The following ARHGEF10 variants were observed in gnomAD, a reference collection of about 807,000 sequenced individuals.
The protein encoded by ARHGEF10 is Rho guanine nucleotide exchange factor 10.
ARHGEF10 carries 140 observed loss-of-function variants against 147.4 expected under a neutral mutation model. The ratio of observed to expected loss-of-function variants is 0.95; its 90% CI spans 0.83 to 1.09. The LOEUF is 1.09. Among genes scored for constraint, ARHGEF10 ranks in the 50% least tolerant of loss-of-function variants. The pLI, the probability that ARHGEF10 is intolerant of heterozygous loss-of-function variation, is 0.00. For synonymous variants in ARHGEF10, 902 were observed against 695.8 expected (o/e 1.30, Z -4.67); for missense variants, 2,222 against 1,752.7 (o/e 1.27, Z -4.78).
rs539916153 is a variant in ARHGEF10, at chr8:1,893,888, T to C, written c.1260+242T>C. On this transcript the variant is annotated intron_variant, in intron 12 of 28. Coordinates refer to ENST00000349830, the MANE Select transcript of ARHGEF10 (RefSeq NM_014629.4). ...TTCATTTATCTAAGCTTTAAAAATG[T>C]CTGGGCCAGGCTCGGTGGCTCACCC... Among the ~76,000 whole-genome samples, 53 of 152,268 alleles carry C rather than the reference T, an allele frequency of 3.5e-4. 1 individual carries two copies. The highest frequency in any genetic ancestry group is 1.2e-3 in the African/African-American group (50 of 41,542).
At chr8:1,870,921 G>A (rs7014212) in intron 7 of ARHGEF10, 1 of 151,626 alleles carries the variant, frequency 6.6e-6, no homozygotes, top group Non-Finnish European at 1.5e-5. Context: ...AAGACCAGCC[G>A]GGCCAACATG....
intron 11 of ARHGEF10, among the ~76,000 whole-genome samples, chr8:1,887,984 T>A (rs1460107599): frequency 7.0e-6 from 1 of 142,044 alleles, no homozygotes; most frequent in Non-Finnish European, 1.5e-5. Context: ...GGGGTGAGAG[T>A]TGTGAAGAGA....
chr8:1,929,257 ATTTATT>A (rs747821153), intron 24 of ARHGEF10, 23 bp from the exon 25 acceptor site: 1 of 1,611,390 alleles, frequency 6.2e-7, no homozygotes, highest in South Asian at 1.1e-5. Flanking sequence ...GAGCAAATAT[ATTTATT>A]AGCTTGTATT....
chr8:1,875,511 G>C (rs896927735), intron 7 of ARHGEF10, among the ~76,000 whole-genome samples: 2 of 152,178 alleles, frequency 1.3e-5, no homozygotes, highest in Non-Finnish European at 1.5e-5. Flanking sequence ...GAGTTGCTGA[G>C]ACTGCTGGGT....
intron 26 of ARHGEF10, among the ~76,000 whole-genome samples, chr8:1,934,241 G>A (rs922239278): frequency 6.6e-6 from 1 of 151,212 alleles, no homozygotes; most frequent in Non-Finnish European, 1.5e-5. Context: ...GTAGTCCCAA[G>A]TACTCGGGAG....
At chr8:1,943,759 T>C (rs1814298091) in intron 26 of ARHGEF10, 2 of 152,146 alleles carry the variant, frequency 1.3e-5, no homozygotes, top group Admixed American at 6.5e-5. Flanking sequence ...ATTCAACTTG[T>C]GATTATTGAA....
At chr8:1,906,510 A>G (rs1810904420) in intron 17 of ARHGEF10, among the ~76,000 whole-genome samples, 1 of 152,102 alleles carries the variant, frequency 6.6e-6, no homozygotes. Flanking sequence ...ACCACTAAAC[A>G]TGCCCTATTT....
chr8:1,929,445 T>C lies in ARHGEF10; in HGVS notation c.3079+2T>C, dbSNP rs751927693. 6.2e-7 allele frequency: 1 copy of C among 1,605,086 alleles called. No individual in the cohort carries two copies. The highest frequency in any genetic ancestry group is 8.5e-7 in the Non-Finnish European group (1 of 1,175,492). ...TCGCCAGCTACGCCAGAGCCCCAGG[T>C]GAGGCGGGTCTCACGGCCTCCTGGC... On this transcript the variant is annotated splice_donor_variant, in intron 25 of 28. Coordinates refer to ENST00000349830, the MANE Select transcript of ARHGEF10 (RefSeq NM_014629.4). LOFTEE classifies it high-confidence loss of function.
At chr8:1,838,402 G>T (rs527716059) in intron 1 of ARHGEF10, among the ~76,000 whole-genome samples, 1 of 151,616 alleles carries the variant, frequency 6.6e-6, no homozygotes, top group Non-Finnish European at 1.5e-5. Flanking sequence ...CCAGGCTGAC[G>T]AATGAAGGAG....
chr8:1,882,855 G>A (rs1401619793), intron 10 of ARHGEF10, 106 bp downstream of exon 10: 1 of 945,546 alleles, frequency 1.1e-6, no homozygotes, highest in Admixed American at 2.0e-5. Flanking sequence ...GGCTCCCACA[G>A]CCTTAGGGAG....
At position 1,832,783 on chromosome 8, in the gene ARHGEF10, CAGAG is replaced by C. The variant is rs1209850066; in HGVS notation, c.-48+8676_-48+8679del. ...ACAGAGGCAGAGACAGAGGCAGAGA[CAGAG>C]AGAGACAGAGGCAGAGGCAGAGACA... On this transcript the variant is annotated intron_variant, in intron 1 of 28. Transcript: ENST00000349830. Among the ~76,000 whole-genome samples, 4 of 67,120 alleles carry C rather than the reference CAGAG, an allele frequency of 6.0e-5. 1 individual carries two copies. The highest frequency in any genetic ancestry group is 3.2e-4 in the Admixed American group (2 of 6,220). 44.0% of individuals were successfully genotyped at this position (67,120 alleles called of 152,430 possible). A position where few individuals can be genotyped will look rare whatever the true frequency, so the allele number is the denominator to read the frequency against.
Position 1,929,320 on chromosome 8 carries a change from A to G in ARHGEF10, c.2956A>G (p.Lys986Glu). The change falls in exon 25 of 29, where the codon AAA becomes GAA. Residue 986 changes from lysine (K) to glutamate (E), a missense_variant. Transcript: ENST00000349830. The part of the protein sequence containing the change: ...SIYKSSQGSK[K>E]VRLQHFFTPE... Reference sequence around the variant, plus strand: ...TTATAAAAGCAGTCAAGGCTCCAAGAAAGTGAGACTTCAGCACTTTTTCAC... The same window carrying G: ...TTATAAAAGCAGTCAAGGCTCCAAGGAAGTGAGACTTCAGCACTTTTTCAC... 1.2e-6 allele frequency: 2 copies of G among 1,614,132 alleles called. No homozygotes were observed. The highest frequency in any genetic ancestry group is 1.7e-6 in the Non-Finnish European group (2 of 1,180,038).
intron 7 of ARHGEF10, among the ~76,000 whole-genome samples, chr8:1,874,986 T>G (rs76616872): frequency 4.3e-4 from 9 of 21,168 alleles, no homozygotes; most frequent in African/African-American, 7.0e-4. Context: ...TCTAAGACAG[T>G]CTGGTGGGAG....
At chr8:1,945,918 T>G in intron 27 of ARHGEF10, 1 of 616,176 alleles carries the variant, frequency 1.6e-6, no homozygotes, top group Non-Finnish European at 2.9e-6. Flanking sequence ...AGGAGCCGCG[T>G]GGCAGTGCCA....
At chr8:1,837,605 G>A (rs1032649056) in intron 1 of ARHGEF10, among the ~76,000 whole-genome samples, 3 of 152,224 alleles carry the variant, frequency 2.0e-5, no homozygotes, top group African/African-American at 7.2e-5. Flanking sequence ...TAGGTAGAGC[G>A]TGCTGGTGTT....
chr8:1,919,266 GAT>G (rs1812019746), intron 18 of ARHGEF10, among the ~76,000 whole-genome samples: 1 of 149,268 alleles, frequency 6.7e-6, no homozygotes, highest in African/African-American at 2.5e-5. Context: ...TTCTGTGGGT[GAT>G]GAGCTGTTCT....
rs775349195 is a variant in ARHGEF10 at position 1,923,562 on chromosome 8, G to C, written c.2354G>C (p.Arg785Thr). 5.0e-6 allele frequency: 8 copies of C among 1,614,008 alleles called. No homozygotes were observed. The highest frequency in any genetic ancestry group is 6.8e-6 in the Non-Finnish European group (8 of 1,180,046). The change falls in exon 20 of 29, where the codon AGA becomes ACA. Residue 785 changes from arginine to threonine, a missense_variant. Arg to Thr is a moderately conservative substitution (Grantham distance 71). Coordinates refer to ENST00000349830, the MANE Select transcript of ARHGEF10 (RefSeq NM_014629.4). ...EDEIRAADCC[R>T]IQLQLPGKQD... ...GAAATCAGAGCTGCGGACTGCTGCAGAATTCAGTTACAGCTTCCCGGGAAG... is the reference window on the plus strand; with the variant it reads ...GAAATCAGAGCTGCGGACTGCTGCACAATTCAGTTACAGCTTCCCGGGAAG...
chr8:1,905,463 G>A, intron 16 of ARHGEF10, 108 bp from the exon 17 acceptor site: 4 of 1,355,732 alleles, frequency 3.0e-6, no homozygotes, highest in Middle Eastern at 2.2e-4. Context: ...TCCGTAAAGC[G>A]CTCAGTTTGG....
At chr8:1,835,992 C>T (rs1427759188) in intron 1 of ARHGEF10, among the ~76,000 whole-genome samples, 4 of 151,980 alleles carry the variant, frequency 2.6e-5, no homozygotes, top group East Asian at 1.9e-4. Flanking sequence ...CCATCCTGGC[C>T]AACATGGTGA....
Sources: gnomAD v4.1 joint callset for allele counts (sites outside exome capture counted in the v4.1 genomes callset) on GRCh38, gnomAD v4.1.1 for gene constraint, MANE v1.5 for transcripts, NCBI Gene and HGNC (gene_info 2026-07-23, HGNC 2026-07-21) for gene names.